LRRC37B: variants seen among roughly 807,000 people sequenced by gnomAD.
LRRC37B encodes leucine-rich repeat-containing protein 37B.
In LRRC37B, 28 loss-of-function variants were observed where a neutral mutation model predicts 98.3. The ratio of observed to expected loss-of-function variants is 0.28; its 90% CI spans 0.21 to 0.39. LRRC37B has a LOEUF of 0.39. Among genes scored for constraint, LRRC37B ranks in the 10% least tolerant of loss-of-function variants. LRRC37B has a pLI of 1.00. For missense variants in LRRC37B, 938 were observed against 1,182.7 expected (o/e 0.79, Z 3.03); for synonymous variants, 364 against 442.7 (o/e 0.82, Z 2.23).
chr17:32,030,294 G>A (rs1198498942), intron 3 of LRRC37B, among the ~76,000 whole-genome samples: 2 of 151,982 alleles, frequency 1.3e-5, no homozygotes, highest in Non-Finnish European at 2.9e-5. Flanking sequence ...AACTAGGAAG[G>A]TGTATAAATG....
At chr17:32,025,624 A>G (rs1429558503) in intron 2 of LRRC37B, among the ~76,000 whole-genome samples, 4 of 152,118 alleles carry the variant, frequency 2.6e-5, no homozygotes, top group Admixed American at 6.6e-5. Flanking sequence ...TTTCCTTCCT[A>G]GGACTTAGAG....
intron 1 of LRRC37B, among the ~76,000 whole-genome samples, chr17:32,010,739 CTTCT>C (rs1398412274): frequency 2.0e-5 from 3 of 152,236 alleles, no homozygotes; most frequent in African/African-American, 7.2e-5. Context: ...AAACTTATTC[CTTCT>C]ATCTGACTGT....
In LRRC37B at chr17:32,022,044, C is replaced by T. The variant is rs781562653; in HGVS notation, c.979C>T (p.Gln327Ter). The T allele has an allele frequency of 6.2e-7, 1 of 1,613,990 alleles. No individual in the cohort carries two copies. Among genetic ancestry groups the T allele is most frequent in the Non-Finnish European group, 8.5e-7 (1 of 1,179,882 alleles). ...CCCTCAGGAGGTAGAACCTTCAACC[C>T]AGCAGGAGGCCCCAGCTCTGCCTCC... The change falls in exon 1 of 12, where the codon CAG becomes TAG. Residue 327 changes from glutamine to a stop codon, truncating the protein, a stop_gained. Transcript: ENST00000327564. LOFTEE classifies it high-confidence loss of function.
At chr17:32,024,597 G>A (rs548551176) in intron 1 of LRRC37B, 114 bp from the exon 5 acceptor site, 1 of 1,570,786 alleles carries the variant, frequency 6.4e-7, no homozygotes, top group East Asian at 2.2e-5. Context: ...AAATGAGAAA[G>A]CAGGTGTTAT....
chr17:32,016,481 G>C (rs1024602575), upstream of LRRC37B, among the ~76,000 whole-genome samples: 10 of 152,136 alleles, frequency 6.6e-5, no homozygotes, highest in Non-Finnish European at 1.5e-5. Flanking sequence ...TGTTGTAATC[G>C]TGCCTCCTGA....
chr17:32,050,277 A>G, intron 11 of LRRC37B, 170 bp downstream of exon 14: 1 of 578,004 alleles, frequency 1.7e-6, no homozygotes, highest in Non-Finnish European at 3.2e-6. Flanking sequence ...CAGGATTGTT[A>G]AAGGATCCTC....
At chr17:32,033,185 G>T (rs570984656) in intron 5 of LRRC37B, among the ~76,000 whole-genome samples, 1 of 151,996 alleles carries the variant, frequency 6.6e-6, no homozygotes, top group African/African-American at 2.4e-5. Context: ...TACTACGTTG[G>T]TCAGGCTGGT....
Position 32,046,464 on chromosome 17 carries a change from C to A in LRRC37B, c.2323+646C>A, listed in dbSNP as rs190937008. On this transcript the variant is annotated intron_variant, in intron 8 of 11. Coordinates refer to ENST00000327564, the Ensembl canonical transcript of LRRC37B. ...TTTTTCTGTAGATTAGGTTTATTAGCACCAACTTCATGACTTCTAAAATGT... is the reference window on the plus strand; with the variant it reads ...TTTTTCTGTAGATTAGGTTTATTAGAACCAACTTCATGACTTCTAAAATGT... 7.4e-3 allele frequency among the ~76,000 whole-genome samples: 1,122 copies of A among 151,948 alleles called. 2 individuals carry two copies. Among genetic ancestry groups the A allele is most frequent in the African/African-American group, 0.026 (1,058 of 41,238 alleles).
At chr17:32,047,300 C>T (rs537991076) in intron 8 of LRRC37B, 53 of 218,840 alleles carry the variant, frequency 2.4e-4, no homozygotes, top group African/African-American at 1.2e-3. Flanking sequence ...AGAGGACCGC[C>T]TTTGATTGCA....
chr17:32,034,680 GT>G (rs548942008), intron 5 of LRRC37B, among the ~76,000 whole-genome samples: 9 of 147,194 alleles, frequency 6.1e-5, no homozygotes, highest in East Asian at 6.0e-4. Flanking sequence ...TTTCTTGTGT[GT>G]TTTTTTTTTC....
At chr17:32,053,165 A>G (rs1461697815) in intron 11 of LRRC37B, 101 bp from the exon 15 acceptor site, 2 of 798,492 alleles carry the variant, frequency 2.5e-6, no homozygotes, top group East Asian at 2.5e-5. Context: ...AAGTTATCTC[A>G]TCGGGTAGAT....
intron 1 of LRRC37B, among the ~76,000 whole-genome samples, chr17:32,023,842 G>A (rs495117): frequency 2.6e-5 from 4 of 152,196 alleles, no homozygotes; most frequent in Admixed American, 1.3e-4. Context: ...GGAGGGAAGA[G>A]AGAGAATACG....
At chr17:32,021,720 C>T in exon 1 of LRRC37B, 1 of 1,614,194 alleles carries the variant, frequency 6.2e-7, no homozygotes, top group Non-Finnish European at 8.5e-7. Flanking sequence ...GCCCAAGAAC[C>T]TGAAGAAAGA....
At chr17:32,015,729 T>C (rs1910635143) in intron 1 of LRRC37B, among the ~76,000 whole-genome samples, 1 of 152,232 alleles carries the variant, frequency 6.6e-6, no homozygotes. Flanking sequence ...CTTTTGTTTA[T>C]GGGTGTCATT....
intron 1 of LRRC37B, among the ~76,000 whole-genome samples, chr17:32,012,878 G>A (rs975491488): frequency 5.3e-5 from 8 of 152,102 alleles, no homozygotes; most frequent in Admixed American, 2.0e-4. Flanking sequence ...TGAGCCAGGC[G>A]CGGTGGCAGG....
intron 1 of LRRC37B, among the ~76,000 whole-genome samples, chr17:32,015,191 T>C (rs1160410462): frequency 1.3e-5 from 2 of 152,292 alleles, no homozygotes; most frequent in South Asian, 4.2e-4. Flanking sequence ...ACACAGAAGA[T>C]AGGGATTGGG....
rs201750260 is a variant in LRRC37B, at chr17:32,039,308, C to T, written c.2204+3669C>T. On this transcript the variant is annotated intron_variant, in intron 7 of 11. Transcript: ENST00000327564. ...GTAGATATAGGTATAGATATATATCCGTCTATATCTATATATATCTTCACC... is the reference window on the plus strand; with the variant it reads ...GTAGATATAGGTATAGATATATATCTGTCTATATCTATATATATCTTCACC... 6.0e-5 allele frequency among the ~76,000 whole-genome samples: 9 copies of T among 149,230 alleles called. No individual in the cohort carries two copies. In the East Asian group the frequency reaches 1.0e-3, roughly 17 times the overall value.
chr17:32,018,397 G>A (rs1025811685), upstream of LRRC37B, among the ~76,000 whole-genome samples: 7 of 152,182 alleles, frequency 4.6e-5, no homozygotes, highest in Non-Finnish European at 1.0e-4. Context: ...AAAACAAGCA[G>A]CAGAATTTGG....
chr17:32,034,374 C>G (rs944117903), intron 5 of LRRC37B, among the ~76,000 whole-genome samples: 1 of 151,492 alleles, frequency 6.6e-6, no homozygotes, highest in African/African-American at 2.4e-5. Context: ...TGGTGGTGGG[C>G]AACTGTAATC....
Sources: allele counts gnomAD v4.1 joint callset (sites outside exome capture counted in the v4.1 genomes callset), GRCh38; gene constraint gnomAD v4.1.1; transcripts MANE v1.5; gene names NCBI Gene and HGNC (gene_info 2026-07-23, HGNC 2026-07-21).